Variants in MYH15 observed in about 807,000 individuals in gnomAD.
MYH15 encodes the protein myosin-15.
Under a neutral mutation model 240.5 loss-of-function variants are expected in MYH15, and 227 were observed. The observed-to-expected ratio is 0.94, with a 90% confidence interval of 0.85 to 1.05. MYH15 has a LOEUF of 1.05. Among genes scored for constraint, MYH15 ranks in the 50% least tolerant of loss-of-function variants. The pLI is 0.00. For synonymous variants in MYH15, 785 were observed against 796.7 expected (o/e 0.99, Z 0.25); for missense variants, 2,217 against 2,247.5 (o/e 0.99, Z 0.27).
At position 108,441,208 on chromosome 3, in the gene MYH15, G is replaced by A. The variant is rs1474177084; in HGVS notation, c.2708C>T (p.Ser903Phe). 1 of 1,614,042 alleles carries A rather than the reference G, an allele frequency of 6.2e-7. No individual in the cohort carries two copies. Among genetic ancestry groups the A allele is most frequent in the Admixed American group, 1.7e-5 (1 of 60,002 alleles). Reference protein sequence around the residue: ...VEEQCEWLIKSKIQLEARVKE... With the variant: ...VEEQCEWLIKFKIQLEARVKE... ...TACTCTGGCCTCCAGCTGGATCTTG[G>A]ATTTAATCAGCCACTCGCACTGCTC... is the stretch of plus-strand genomic sequence containing the variant. The change falls in exon 23 of 41, where the codon TCC becomes TTC. Residue 903 changes from serine (S) to phenylalanine (F), a missense_variant. Transcript: ENST00000693548.
chr3:108,518,471 A>C (rs1253228415), intron 1 of MYH15, among the ~76,000 whole-genome samples: 2 of 152,210 alleles, frequency 1.3e-5, no homozygotes, highest in Non-Finnish European at 2.9e-5. Flanking sequence ...ATCCAGAATG[A>C]GGCCCCCAAG....
At chr3:108,415,724 G>C (rs773201254) in intron 29 of MYH15, among the ~76,000 whole-genome samples, 2 of 152,166 alleles carry the variant, frequency 1.3e-5, no homozygotes, top group Non-Finnish European at 2.9e-5. Flanking sequence ...GGGAAGGGCA[G>C]TTATAAAAGT....
chr3:108,389,267 G>T (rs1434507029), intron 37 of MYH15, among the ~76,000 whole-genome samples, 193 bp from the exon 38 acceptor site: 1 of 152,162 alleles, frequency 6.6e-6, no homozygotes, highest in East Asian at 1.9e-4. Flanking sequence ...ATTCATAAAA[G>T]AACTATTTAG....
intron 27 of MYH15, among the ~76,000 whole-genome samples, chr3:108,426,052 G>A (rs1213564639): frequency 6.6e-6 from 1 of 152,146 alleles, no homozygotes. Context: ...CTTAAAGAAA[G>A]TGTTCAGGGC....
At chr3:108,411,138 G>GCC (rs1399193860) in intron 30 of MYH15, among the ~76,000 whole-genome samples, 3 of 152,160 alleles carry the variant, frequency 2.0e-5, no homozygotes, top group Non-Finnish European at 2.9e-5. Flanking sequence ...TGTGCATGGG[G>GCC]TCTTTATTTT....
At chr3:108,406,407 A>G (rs1254035618) in intron 32 of MYH15, among the ~76,000 whole-genome samples, 3 of 152,212 alleles carry the variant, frequency 2.0e-5, no homozygotes, top group African/African-American at 7.2e-5. Flanking sequence ...AATTTTAATA[A>G]GACCTCCCTT....
chr3:108,436,379 A>G (rs570629666), intron 25 of MYH15, among the ~76,000 whole-genome samples: 2 of 152,204 alleles, frequency 1.3e-5, no homozygotes, highest in Non-Finnish European at 2.9e-5. Flanking sequence ...CTAAACACCT[A>G]TTAAGCCCAG....
chr3:108,498,312 G>A (rs1476862499), intron 5 of MYH15, among the ~76,000 whole-genome samples, 167 bp from the exon 6 acceptor site: 2 of 152,170 alleles, frequency 1.3e-5, no homozygotes, highest in African/African-American at 4.8e-5. Flanking sequence ...GTTGGGAGAA[G>A]GGCAAGGACA....
intron 14 of MYH15, 54 bp from the exon 15 acceptor site, chr3:108,464,868 G>A: frequency 6.8e-7 from 1 of 1,467,248 alleles, no homozygotes; most frequent in Non-Finnish European, 9.1e-7. Context: ...GGCACTTTCA[G>A]TAGGGGGTCA....
At chr3:108,458,691 G>T (rs1362981283) in intron 18 of MYH15, among the ~76,000 whole-genome samples, 1 of 152,042 alleles carries the variant, frequency 6.6e-6, no homozygotes, top group East Asian at 1.9e-4. Flanking sequence ...AGCTCATGAA[G>T]TAAGGAAAGC....
At chr3:108,523,824 C>T (rs1038686119) in intron 1 of MYH15, among the ~76,000 whole-genome samples, 3 of 151,916 alleles carry the variant, frequency 2.0e-5, no homozygotes, top group African/African-American at 7.2e-5. Flanking sequence ...ATACAGGCCT[C>T]TATGTCCTAA....
At chr3:108,538,029 T>C in the MYH15 span, among the ~76,000 whole-genome samples, 1 of 152,218 alleles carries the variant, frequency 6.6e-6, no homozygotes, top group Admixed American at 6.5e-5. Flanking sequence ...CTGTCATTTC[T>C]GAAAGGCCTG....
At chr3:108,481,429 G>A (rs890914179) in intron 11 of MYH15, among the ~76,000 whole-genome samples, 2 of 152,180 alleles carry the variant, frequency 1.3e-5, no homozygotes, top group East Asian at 1.9e-4. Context: ...AGATTGAGGG[G>A]TGGAGGCTAG....
chr3:108,430,888 C>T lies in MYH15; in HGVS notation c.3256G>A (p.Val1086Met). ...GCTACCAGGCCTTTCTCATTCTCCA[C>T]TTTTGAATTCATCTGACTCAATTCT... is the stretch of plus-strand genomic sequence containing the variant. ...ELELSQMNSK[V>M]ENEKGLVAQL... Residue 1086 changes from valine to methionine, a missense_variant, in exon 26 of 41, where the codon GTG (valine) becomes ATG (methionine). By Grantham distance (21) the Val-to-Met change is conservative (BLOSUM62 1). Transcript: ENST00000693548. 1 of 1,612,332 alleles carries T rather than the reference C, an allele frequency of 6.2e-7. No individual in the cohort carries two copies. Among genetic ancestry groups the T allele is most frequent in the Non-Finnish European group, 8.5e-7 (1 of 1,179,558 alleles).
chr3:108,464,754 T>A lies in MYH15; in HGVS notation c.1615A>T (p.Thr539Ser). The A allele has an allele frequency of 5.0e-6, 8 of 1,613,958 alleles. No homozygotes were observed. The highest frequency in any genetic ancestry group is 6.8e-6 in the Non-Finnish European group (8 of 1,179,860). Residue 539 changes from threonine (T) to serine (S), a missense_variant, in exon 15 of 41, where the codon ACT (threonine) becomes TCT (serine). Coordinates refer to ENST00000693548, the MANE Select transcript of MYH15 (RefSeq NM_014981.3). ...ECMFPKATDL[T>S]FKTKLFDNHF... ...TTGTCAAAGAGTTTGGTCTTGAAAG[T>A]CAGGTCTGTAGCCTTAGGAAACATA...
chr3:108,410,453 A>G, intron 31 of MYH15, 130 bp downstream of exon 31: 1 of 560,136 alleles, frequency 1.8e-6, no homozygotes, highest in Non-Finnish European at 2.9e-6. Flanking sequence ...AATAAGTCAA[A>G]CAGAAGTATA....
the MYH15 span, chr3:108,543,432 G>A: frequency 5.3e-5 from 8 of 152,296 alleles, no homozygotes; most frequent in Non-Finnish European, 1.0e-4. Context: ...CACATTACTG[G>A]TCCTGTCAGC....
intron 32 of MYH15, 24 bp from the exon 33 acceptor site, chr3:108,405,477 T>C (rs2082539700): frequency 2.9e-6 from 4 of 1,374,490 alleles, no homozygotes; most frequent in Non-Finnish European, 3.9e-6. Flanking sequence ...ATAAAAAGCA[T>C]TAAATGAAGT....
At chr3:108,529,166 T>C (rs1252212358) in intron 1 of MYH15, 1 of 1,150,950 alleles carries the variant, frequency 8.7e-7, no homozygotes, top group African/African-American at 1.6e-5. Flanking sequence ...GGTGTGCTGC[T>C]GATTAAGACC....
Sources: allele counts gnomAD v4.1 joint callset (sites outside exome capture counted in the v4.1 genomes callset), GRCh38; gene constraint gnomAD v4.1.1; transcripts MANE v1.5; gene names NCBI Gene and HGNC (gene_info 2026-07-23, HGNC 2026-07-21).